FAM13A: variants seen among roughly 807,000 people sequenced by gnomAD.
FAM13A encodes protein FAM13A.
A neutral mutation model predicts 129.6 loss-of-function variants in FAM13A; 76 were observed. That is an observed-to-expected ratio of 0.59 (90% CI 0.49 to 0.71). The LOEUF (loss-of-function observed/expected upper bound fraction) is 0.71. Among genes scored for constraint, FAM13A ranks in the 30% least tolerant of loss-of-function variants. The probability of loss-of-function intolerance (pLI) is 0.00; values close to 1 mark genes in which losing one functional copy is unlikely to be tolerated. For missense variants in FAM13A, 1,108 were observed against 1,249.3 expected, an observed-to-expected ratio of 0.89 and a Z score of 1.70; for synonymous variants, 443 against 449.9, an observed-to-expected ratio of 0.98 and a Z score of 0.20.
At chr4:88,931,676 T>C (rs538341604) in intron 5 of FAM13A, among the ~76,000 whole-genome samples, 9 of 152,332 alleles carry the variant, frequency 5.9e-5, no homozygotes, top group South Asian at 4.1e-4. Flanking sequence ...TATTTAATCA[T>C]TGCATTTTAA....
chr4:89,018,966 G>GT (rs1409260231), intron 3 of FAM13A, among the ~76,000 whole-genome samples: 1 of 152,204 alleles, frequency 6.6e-6, no homozygotes, highest in African/African-American at 2.4e-5. Flanking sequence ...TAAGACATGA[G>GT]TAATCTTCCA....
In FAM13A at chr4:88,899,791, A is replaced by G. The variant is rs534224036; in HGVS notation, c.843+6588T>C. ...ACTGGGTGGAGGCTGAGATGGCTGA[A>G]TTGACAGAATTAGGCTTCAGAAGAT... is the stretch of plus-strand genomic sequence containing the variant. On this transcript the variant is annotated intron_variant, in intron 6 of 23. Transcript: ENST00000264344. 2.0e-5 allele frequency among the ~76,000 whole-genome samples: 3 copies of G among 152,212 alleles called. No homozygotes were observed. The East Asian group carries it at 5.8e-4, about 29-fold the overall frequency.
intron 2 of FAM13A, among the ~76,000 whole-genome samples, chr4:89,025,245 G>GTTGTTTTT (rs1767781429): frequency 1.6e-5 from 1 of 61,364 alleles, no homozygotes; most frequent in African/African-American, 5.4e-5. Flanking sequence ...TGGAATCATT[G>GTTGTTTTT]TTTTTTTTTT....
At chr4:88,850,857 GT>G (rs1479758428) in intron 7 of FAM13A, among the ~76,000 whole-genome samples, 162 bp downstream of exon 7, 1 of 152,120 alleles carries the variant, frequency 6.6e-6, no homozygotes. Flanking sequence ...AGAACTATTA[GT>G]CAGAAAATTC....
At chr4:88,902,531 C>A (rs547894751) in intron 6 of FAM13A, among the ~76,000 whole-genome samples, 1 of 151,932 alleles carries the variant, frequency 6.6e-6, no homozygotes. Context: ...TCAATAGATG[C>A]AGAAGGGGCC....
intron 6 of FAM13A, among the ~76,000 whole-genome samples, chr4:88,880,098 C>T (rs775386773): frequency 8.6e-5 from 13 of 151,918 alleles, no homozygotes; most frequent in East Asian, 1.9e-4. Context: ...AGGGAAGCTC[C>T]GACTTAGAAG....
intron 10 of FAM13A, among the ~76,000 whole-genome samples, chr4:88,782,225 AAC>A (rs1335165368): frequency 5.9e-5 from 9 of 152,110 alleles, no homozygotes; most frequent in Admixed American, 3.3e-4. Context: ...ATGTTCATAA[AAC>A]AGTTTTAAGT....
At chr4:88,961,624 C>T (rs938384296) in intron 4 of FAM13A, among the ~76,000 whole-genome samples, 1 of 152,066 alleles carries the variant, frequency 6.6e-6, no homozygotes, top group African/African-American at 2.4e-5. Flanking sequence ...GCCTCAGCCT[C>T]CCAGAGTGTT....
chr4:88,911,032 G>C (rs1340438517), intron 5 of FAM13A, among the ~76,000 whole-genome samples: 2 of 152,182 alleles, frequency 1.3e-5, no homozygotes, highest in African/African-American at 4.8e-5. Context: ...TATCCACAGA[G>C]CCTACAACTA....
intron 4 of FAM13A, among the ~76,000 whole-genome samples, chr4:88,940,789 C>T (rs145319582): frequency 2.0e-5 from 3 of 152,240 alleles, no homozygotes; most frequent in Non-Finnish European, 4.4e-5. Flanking sequence ...CATCCCTCAG[C>T]CATTGTAGCA....
intron 3 of FAM13A, among the ~76,000 whole-genome samples, chr4:89,004,498 T>C (rs771770788): frequency 1.3e-5 from 2 of 152,242 alleles, no homozygotes; most frequent in Non-Finnish European, 2.9e-5. Context: ...TCAATTAATT[T>C]GGGCAAGGAT....
chr4:88,850,775 T>C (rs1174622743), intron 7 of FAM13A, among the ~76,000 whole-genome samples: 3 of 152,212 alleles, frequency 2.0e-5, no homozygotes, highest in Non-Finnish European at 4.4e-5. Context: ...ACTGTGAGCC[T>C]AACATAACTT....
At chr4:88,771,730 A>G (rs952526252) in intron 11 of FAM13A, among the ~76,000 whole-genome samples, 1 of 152,174 alleles carries the variant, frequency 6.6e-6, no homozygotes, top group African/African-American at 2.4e-5. Context: ...TTGTATTGCA[A>G]TTATTTCCAA....
chr4:89,029,185 A>G (rs1768374700), intron 2 of FAM13A, among the ~76,000 whole-genome samples: 1 of 152,234 alleles, frequency 6.6e-6, no homozygotes, highest in African/African-American at 2.4e-5. Flanking sequence ...ATATTACAAC[A>G]GTGTATTTCA....
At chr4:89,004,980 G>A (rs1456431391) in intron 3 of FAM13A, among the ~76,000 whole-genome samples, 5 of 103,914 alleles carry the variant, frequency 4.8e-5, no homozygotes. Context: ...CTCATGTCAT[G>A]GTTTTTTTTT....
chr4:88,780,349 G>A (rs1346555250), intron 11 of FAM13A, among the ~76,000 whole-genome samples: 4 of 152,154 alleles, frequency 2.6e-5, no homozygotes, highest in South Asian at 2.1e-4. Context: ...GTCAAAGTAC[G>A]TCAGAGGATT....
chr4:88,977,075 A>G (rs984048042), intron 4 of FAM13A, among the ~76,000 whole-genome samples: 1 of 152,220 alleles, frequency 6.6e-6, no homozygotes, highest in African/African-American at 2.4e-5. Flanking sequence ...GTTAAGAGAT[A>G]TGTCACGTAA....
intron 11 of FAM13A, among the ~76,000 whole-genome samples, chr4:88,775,174 G>C (rs1721429161): frequency 6.6e-6 from 1 of 152,134 alleles, no homozygotes; most frequent in South Asian, 2.1e-4. Context: ...TGAGGACAAG[G>C]AGAGGTCAAC....
chr4:88,752,251 G>A (rs1742778135), intron 14 of FAM13A, among the ~76,000 whole-genome samples: 1 of 152,168 alleles, frequency 6.6e-6, no homozygotes, highest in African/African-American at 2.4e-5. Flanking sequence ...AACCCAGCAG[G>A]TGACAGATAA....
Sources: allele counts gnomAD v4.1 joint callset (sites outside exome capture counted in the v4.1 genomes callset), GRCh38; gene constraint gnomAD v4.1.1; transcripts MANE v1.5; gene names NCBI Gene and HGNC (gene_info 2026-07-23, HGNC 2026-07-21).